Variants in PYROXD1 observed in about 807,000 individuals in gnomAD.
PYROXD1 encodes the protein pyridine nucleotide-disulphide oxidoreductase domain 1, also known as tRNA ligase complex-associated NAD(P)H dehydrogenase PYROXD1.
A neutral mutation model predicts 62.0 loss-of-function variants in PYROXD1; 42 were observed. The observed-to-expected ratio is 0.68, with a 90% confidence interval of 0.53 to 0.88. PYROXD1 has a LOEUF of 0.88. Ranked by LOEUF, PYROXD1 falls within the 40% of genes least tolerant of loss-of-function variation. The probability of loss-of-function intolerance (pLI) is 0.00; values close to 1 mark genes in which losing one functional copy is unlikely to be tolerated. For missense variants in PYROXD1, 493 were observed against 604.8 expected (o/e 0.82, Z 1.94); for synonymous variants, 170 against 206.4 (o/e 0.82, Z 1.51).
intron 2 of PYROXD1, among the ~76,000 whole-genome samples, chr12:21,442,420 A>G (rs934947237): frequency 5.9e-5 from 9 of 152,218 alleles, no homozygotes; most frequent in African/African-American, 1.9e-4. Context: ...GTGTCAGGGC[A>G]GGGCCTAGCT....
Position 21,461,052 on chromosome 12 carries a change from A to G in PYROXD1, c.778A>G (p.Met260Val), listed in dbSNP as rs1487213516. 5.1e-6 allele frequency: 8 copies of G among 1,558,034 alleles called. No individual in the cohort carries two copies. Among genetic ancestry groups the G allele is most frequent in the Non-Finnish European group, 7.0e-6 (8 of 1,147,648 alleles). The change falls in exon 8 of 12, where the codon ATG becomes GTG. Residue 260 changes from methionine (M) to valine (V), a missense_variant. By Grantham distance (21) the Met-to-Val change is conservative. Around this residue, in one of 2 missense-constraint regions of PYROXD1, gnomAD observed 329 missense variants for 446.6 expected, o/e 0.74. Coordinates refer to ENST00000240651, the MANE Select transcript of PYROXD1 (RefSeq NM_024854.5). ...EFSHKIHLET[M>V]CEVKKIYLQD... ...TTCTCATAAGATTCACCTTGAAACT[A>G]TGTGTGAAGTAAAGAAAATCTACCT...
At chr12:21,459,859 T>C (rs1942661983) in intron 7 of PYROXD1, among the ~76,000 whole-genome samples, 1 of 152,244 alleles carries the variant, frequency 6.6e-6, no homozygotes, top group Admixed American at 6.5e-5. Flanking sequence ...GAGCTTTCTA[T>C]ACCCAGACTA....
chr12:21,444,239 T>C (rs1289110880), intron 2 of PYROXD1, among the ~76,000 whole-genome samples: 2 of 152,334 alleles, frequency 1.3e-5, no homozygotes, highest in Middle Eastern at 3.4e-3. Context: ...AATGTGCCAA[T>C]AACAAATATA....
chr12:21,457,538 AAAGAAATACCT>A (rs1482506013), intron 7 of PYROXD1, among the ~76,000 whole-genome samples: 1 of 152,084 alleles, frequency 6.6e-6, no homozygotes, highest in Non-Finnish European at 1.5e-5. Flanking sequence ...CACAGTATAT[AAAGAAATACCT>A]GAGAGTAGGT....
intron 2 of PYROXD1, among the ~76,000 whole-genome samples, chr12:21,442,912 T>C (rs1942322505): frequency 6.6e-6 from 1 of 152,230 alleles, no homozygotes; most frequent in Non-Finnish European, 1.5e-5. Context: ...GATTCTTTTA[T>C]GTGGTTATTC....
At chr12:21,449,798 T>G in intron 4 of PYROXD1, 107 bp downstream of exon 4, 1 of 946,606 alleles carries the variant, frequency 1.1e-6, no homozygotes, top group Admixed American at 2.6e-5. Flanking sequence ...GAAGGGAAAT[T>G]TTTGTTTCAT....
chr12:21,462,043 A>G lies in PYROXD1; in HGVS notation c.916A>G (p.Lys306Glu), dbSNP rs1260155249. The G allele has an allele frequency of 6.2e-7, 1 of 1,612,140 alleles. No individual in the cohort carries two copies. Among genetic ancestry groups the G allele is most frequent in the African/African-American group, 1.3e-5 (1 of 74,860 alleles). Residue 306 changes from lysine to glutamate, a missense_variant, in exon 9 of 12, where the codon AAG becomes GAG. Physicochemically the swap from Lys to Glu is moderately conservative, Grantham distance 56 (BLOSUM62 1). Coordinates refer to ENST00000240651, the MANE Select transcript of PYROXD1 (RefSeq NM_024854.5). ...WPVYVELTNE[K>E]IYGCDFIVSA... Reference sequence around the variant, plus strand: ...TGTCTATGTGGAATTGACCAATGAAAAGATATATGGCTGCGATTTCATTGT... The same window carrying G: ...TGTCTATGTGGAATTGACCAATGAAGAGATATATGGCTGCGATTTCATTGT...
At position 21,471,046 on chromosome 12, in the gene PYROXD1, G is replaced by A; in HGVS notation, c.*2292G>A. Reference sequence around the variant, plus strand: ...TCATTGTTCAGAAGATTAGCTTTAGGTCCTATTTTCAAATACGAAATGGTA... The same window carrying A: ...TCATTGTTCAGAAGATTAGCTTTAGATCCTATTTTCAAATACGAAATGGTA... On this transcript the variant is annotated 3_prime_UTR_variant, in exon 12 of 12. Transcript: ENST00000240651. 1 of 1,601,804 alleles carries A rather than the reference G, an allele frequency of 6.2e-7. No homozygotes were observed. The highest frequency in any genetic ancestry group is 8.5e-7 in the Non-Finnish European group (1 of 1,175,066).
At chr12:21,446,197 G>A (rs1942383845) in intron 3 of PYROXD1, among the ~76,000 whole-genome samples, 1 of 152,066 alleles carries the variant, frequency 6.6e-6, no homozygotes, top group Non-Finnish European at 1.5e-5. Context: ...GCTGAGGCAG[G>A]CGGATCATGA....
intron 7 of PYROXD1, among the ~76,000 whole-genome samples, chr12:21,457,433 CT>C (rs202025872): frequency 0.42 from 56,980 of 136,032 alleles, 10,947 homozygotes; most frequent in Middle Eastern, 0.5. Context: ...TGAAATGAAT[CT>C]TTTTTTTTTT....
Position 21,467,595 on chromosome 12 carries a change from G to T in PYROXD1, c.1231G>T (p.Val411Leu). 1 of 1,611,368 alleles carries T rather than the reference G, an allele frequency of 6.2e-7. No homozygotes were observed. Among genetic ancestry groups the T allele is most frequent in the Non-Finnish European group, 8.5e-7 (1 of 1,178,662 alleles). Residue 411 changes from valine to leucine, a missense_variant, in exon 11 of 12, where the codon GTG becomes TTG. Physicochemically the swap from Val to Leu is conservative, Grantham distance 32. This residue lies in a region of PYROXD1 where 329 missense variants were observed against 446.6 expected (regional missense o/e 0.74). Transcript: ENST00000240651. ...MDFSFELFAH[V>L]TKFFNYKVVL... ...TTTCAGCTTTGAACTGTTTGCTCAT[G>T]TGACAAAATTTTTTAACTATAAGGT...
At chr12:21,447,241 T>C (rs7298136) in intron 3 of PYROXD1, among the ~76,000 whole-genome samples, 58,037 of 151,976 alleles carry the variant, frequency 0.38, 11,326 homozygotes, top group Middle Eastern at 0.48. Flanking sequence ...AAAACACATA[T>C]ATACCACATT....
At position 21,462,997 on chromosome 12, in the gene PYROXD1, A is replaced by AT. The variant is rs199575795; in HGVS notation, c.1116+138dup. The AT allele has an allele frequency of 4.6e-4, 308 of 665,232 alleles. 2 individuals are homozygous for AT. The highest frequency in any genetic ancestry group is 1.8e-3 in the East Asian group (58 of 32,444). The allele number at this position is 665,232 out of a possible 1,614,324, so 41.2% of individuals were successfully genotyped here. ...GGAAGCTAGCACAGTTGTTATATATATTTAAAAAAAAAACTAGAATATTTC... is the reference window on the plus strand; with the variant it reads ...GGAAGCTAGCACAGTTGTTATATATATTTTAAAAAAAAAACTAGAATATTTC... On this transcript the variant is annotated intron_variant, in intron 10 of 11. Coordinates refer to ENST00000240651, the MANE Select transcript of PYROXD1 (RefSeq NM_024854.5).
chr12:21,456,108 A>G lies in PYROXD1; in HGVS notation c.750+13A>G. On this transcript the variant is annotated intron_variant, in intron 7 of 11. Transcript: ENST00000240651. ...AGGAACAAAAGAGGTATCTTTTCAT[A>G]TACTAATTGGTCATGTCTAAATGTA... 6.9e-7 allele frequency: 1 copy of G among 1,453,332 alleles called. No homozygotes were observed. Among genetic ancestry groups the G allele is most frequent in the Non-Finnish European group, 9.6e-7 (1 of 1,041,278 alleles). The allele number at this position is 1,453,332 out of a possible 1,614,324, so 90.0% of individuals were successfully genotyped here.
At chr12:21,462,273 A>C in intron 9 of PYROXD1, 153 bp downstream of exon 9, 1 of 581,560 alleles carries the variant, frequency 1.7e-6, no homozygotes, top group Non-Finnish European at 3.1e-6. Flanking sequence ...CTTGATTTAC[A>C]GTATTTTTTA....
At chr12:21,437,978 C>A in intron 1 of PYROXD1, 164 bp downstream of exon 1, 1 of 643,232 alleles carries the variant, frequency 1.6e-6, no homozygotes, top group Non-Finnish European at 2.7e-6. Context: ...CTTGGTGGTC[C>A]TCAGATGACC....
rs771261408 is a variant in PYROXD1 at position 21,452,121 on chromosome 12, T to A, written c.455T>A (p.Ile152Asn). 6.3e-7 allele frequency: 1 copy of A among 1,588,618 alleles called. No homozygotes were observed. The highest frequency in any genetic ancestry group is 2.3e-5 in the East Asian group (1 of 44,016). ...CTTACTAAAGCTAAAAGAATAATGA[T>A]CATAGGGAACGGTGGTATTGCACTT... Reference protein sequence around the residue: ...KQLTKAKRIMIIGNGGIALEL... With the variant: ...KQLTKAKRIMNIGNGGIALEL... Residue 152 changes from isoleucine to asparagine, a missense_variant, in exon 5 of 12, where the codon ATC becomes AAC. By Grantham distance (149) the Ile-to-Asn change is moderately radical. Coordinates refer to ENST00000240651, the MANE Select transcript of PYROXD1 (RefSeq NM_024854.5).
chr12:21,437,887 A>C, intron 1 of PYROXD1, 73 bp downstream of exon 1: 2 of 1,303,966 alleles, frequency 1.5e-6, no homozygotes, highest in Non-Finnish European at 2.1e-6. Flanking sequence ...CCTTCCTCCC[A>C]CCCCCTCCCT....
At chr12:21,446,349 C>T (rs1016048883) in intron 3 of PYROXD1, among the ~76,000 whole-genome samples, 2 of 151,912 alleles carry the variant, frequency 1.3e-5, no homozygotes, top group African/African-American at 2.4e-5. Flanking sequence ...GGCGTGAACC[C>T]GGGAGGCGGA....
Sources: gnomAD v4.1 joint callset for allele counts (sites outside exome capture counted in the v4.1 genomes callset) on GRCh38, gnomAD v4.1.1 for gene constraint, gnomAD v4.1.1 regional missense constraint, MANE v1.5 for transcripts, NCBI Gene and HGNC (gene_info 2026-07-23, HGNC 2026-07-21) for gene names.